CLPTM1: variants seen among roughly 807,000 people sequenced by gnomAD.
CLPTM1 encodes CLPTM1 regulator of GABA type A receptor forward trafficking.
Under a neutral mutation model 77.3 loss-of-function variants are expected in CLPTM1, and 21 were observed. That is an observed-to-expected ratio of 0.27 (90% CI 0.19 to 0.39). The LOEUF (loss-of-function observed/expected upper bound fraction) is 0.39, where lower values mean the gene tolerates loss of function less well. Ranked by LOEUF, CLPTM1 falls within the 10% of genes least tolerant of loss-of-function variation. The pLI, the probability that CLPTM1 is intolerant of heterozygous loss-of-function variation, is 1.00. For synonymous variants in CLPTM1, 373 were observed against 381.0 expected (o/e 0.98, Z 0.24); for missense variants, 642 against 921.2 (o/e 0.70, Z 3.92).
chr19:44,978,274 A>G (rs1469753430), intron 5 of CLPTM1, among the ~76,000 whole-genome samples: 1 of 150,298 alleles, frequency 6.7e-6, no homozygotes, highest in Non-Finnish European at 1.5e-5. Context: ...GTGTAGTAGC[A>G]TGCTCCTGTA....
At chr19:44,981,184 GC>G (rs1970890699) in intron 5 of CLPTM1, among the ~76,000 whole-genome samples, 1 of 151,116 alleles carries the variant, frequency 6.6e-6, no homozygotes, top group African/African-American at 2.4e-5. Flanking sequence ...CACTCTTGTT[GC>G]CCAGGCTGGA....
At chr19:44,963,513 G>A (rs1483857170) in intron 2 of CLPTM1, among the ~76,000 whole-genome samples, 1 of 151,608 alleles carries the variant, frequency 6.6e-6, no homozygotes, top group African/African-American at 2.4e-5. Context: ...TTTCAGTAGA[G>A]ATGGGGTTTC....
chr19:44,990,893 C>A lies in CLPTM1; in HGVS notation c.1367C>A (p.Ser456Tyr), dbSNP rs1464019349. ...HRVAGIFPRL[S>Y]FKDKSTYIES... ...GTGGCAGGAATCTTCCCCCGCCTATCCTTCAAGGACAAGTCCACGTATATC... is the reference window on the plus strand; with the variant it reads ...GTGGCAGGAATCTTCCCCCGCCTATACTTCAAGGACAAGTCCACGTATATC... Residue 456 changes from serine to tyrosine, a missense_variant, in exon 11 of 14, where the codon TCC (serine) becomes TAC (tyrosine). By Grantham distance (144) the Ser-to-Tyr change is moderately radical. Around this residue, in one of 2 missense-constraint regions of CLPTM1, gnomAD observed 521 missense variants for 800.4 expected, o/e 0.65. Transcript: ENST00000337392. This position sits in a 1 kb window ranked among gnomAD's most constrained non-coding sequence, Gnocchi z 4.8. 1 of 1,613,998 alleles carries A rather than the reference C, an allele frequency of 6.2e-7. No homozygotes were observed. Among genetic ancestry groups the A allele is most frequent in the Non-Finnish European group, 8.5e-7 (1 of 1,179,944 alleles).
rs149909400 is a variant in CLPTM1 at position 44,973,251 on chromosome 19, G to T, written c.309+41G>T. 457 of 1,613,080 alleles carry T rather than the reference G, an allele frequency of 2.8e-4. No homozygotes were observed. In the African/African-American group the frequency reaches 5.5e-3, roughly 19 times the overall value. On this transcript the variant is annotated intron_variant, in intron 3 of 13. Transcript: ENST00000337392. ...TAGGGCAGACTTGGGAGGTGATGGG[G>T]TGTGGAGGGGTGGAATGTGGAGGAG...
chr19:44,974,464 A>G lies in CLPTM1; in HGVS notation c.335A>G (p.His112Arg). ...AACCTGCATGTGTACATCTCAGAGCACGAGCACTTTACAGACTTCAACGCC... is the reference window on the plus strand; with the variant it reads ...AACCTGCATGTGTACATCTCAGAGCGCGAGCACTTTACAGACTTCAACGCC... ...LMNLHVYISE[H>R]EHFTDFNATS... Residue 112 changes from histidine to arginine, a missense_variant, in exon 4 of 14, where the codon CAC (histidine) becomes CGC (arginine). By Grantham distance (29) the His-to-Arg change is conservative. This residue lies in a region of CLPTM1 where 521 missense variants were observed against 800.4 expected (regional missense o/e 0.65). Coordinates refer to ENST00000337392, the MANE Select transcript of CLPTM1 (RefSeq NM_001294.4). The G allele has an allele frequency of 1.2e-6, 2 of 1,614,034 alleles. No individual in the cohort carries two copies. The highest frequency in any genetic ancestry group is 1.7e-6 in the Non-Finnish European group (2 of 1,179,922).
rs188321720 is a variant in CLPTM1 at position 44,987,890 on chromosome 19, C to A, written c.1039-190C>A. 8.1e-6 allele frequency: 5 copies of A among 616,172 alleles called. No individual in the cohort carries two copies. In the Admixed American group the frequency reaches 1.1e-4, roughly 14 times the overall value. 38.2% of individuals were successfully genotyped at this position (616,172 alleles called of 1,614,324 possible). On this transcript the variant is annotated intron_variant, in intron 8 of 13. Coordinates refer to ENST00000337392, the MANE Select transcript of CLPTM1 (RefSeq NM_001294.4). ...TCTGCCTCTTCCCCTAGTGCCATCTCCCCGTCTCTTCTGTCTTTGTGAGTC... is the reference window on the plus strand; with the variant it reads ...TCTGCCTCTTCCCCTAGTGCCATCTACCCGTCTCTTCTGTCTTTGTGAGTC...
intron 4 of CLPTM1, among the ~76,000 whole-genome samples, chr19:44,975,191 A>G (rs987894024): frequency 6.6e-6 from 1 of 152,108 alleles, no homozygotes; most frequent in Non-Finnish European, 1.5e-5. Context: ...CTCACAGAGC[A>G]CTCAGGCTTG....
intron 2 of CLPTM1, among the ~76,000 whole-genome samples, chr19:44,970,829 CTT>C (rs199584346): frequency 1.6e-5 from 2 of 124,104 alleles, no homozygotes; most frequent in Non-Finnish European, 1.7e-5. Flanking sequence ...TCCTTTACTT[CTT>C]TTTTTTTTTT....
rs1970993490 is a variant in CLPTM1, at chr19:44,987,244, C to T, written c.859C>T (p.Leu287=). ...CATCTACTTCAATGACTACTGGAAC[C>T]TGCAGAAGGACTACTACCCCATCAA... ...PIIYFNDYWN[L]QKDYYPINES... The change falls in exon 8 of 14, where the codon CTG becomes TTG. Residue 287 remains leucine (L), a synonymous_variant. Coordinates refer to ENST00000337392, the MANE Select transcript of CLPTM1 (RefSeq NM_001294.4). 3 of 1,614,280 alleles carry T rather than the reference C, an allele frequency of 1.9e-6. No individual in the cohort carries two copies. Among genetic ancestry groups the T allele is most frequent in the Admixed American group, 1.7e-5 (1 of 60,034 alleles).
At chr19:44,955,750 C>T (rs2122225406) in intron 1 of CLPTM1, 2 of 348,664 alleles carry the variant, frequency 5.7e-6, no homozygotes, top group Admixed American at 4.8e-5. Flanking sequence ...AGGCTTGTAC[C>T]TTGGCGCGCT....
chr19:44,969,836 C>T (rs1022394890), intron 2 of CLPTM1, among the ~76,000 whole-genome samples: 2 of 151,618 alleles, frequency 1.3e-5, no homozygotes, highest in Admixed American at 6.6e-5. Flanking sequence ...TACAGGCGCC[C>T]GCCACCACGC....
intron 2 of CLPTM1, among the ~76,000 whole-genome samples, chr19:44,962,548 G>A (rs961516676): frequency 1.3e-5 from 2 of 152,118 alleles, no homozygotes; most frequent in Admixed American, 6.6e-5. Context: ...CTCTGTGTGT[G>A]TCTGTGTCCT....
chr19:44,991,793 T>C lies in CLPTM1; in HGVS notation c.1555+420T>C, dbSNP rs957862124. Among the ~76,000 whole-genome samples, 1 of 151,984 alleles carries C rather than the reference T, an allele frequency of 6.6e-6. No individual in the cohort carries two copies. Among genetic ancestry groups the C allele is most frequent in the Non-Finnish European group, 1.5e-5 (1 of 67,992 alleles). On this transcript the variant is annotated intron_variant, in intron 12 of 13. Transcript: ENST00000337392. The surrounding 1 kb of genome is among the most constrained non-coding windows in gnomAD (Gnocchi z 5.4). ...GGTGGTGCGTGCCTGTAGTCCCAGCTACCTGGGAGGCTGAGGTGGGAGGAT... is the reference window on the plus strand; with the variant it reads ...GGTGGTGCGTGCCTGTAGTCCCAGCCACCTGGGAGGCTGAGGTGGGAGGAT...
Position 44,991,608 on chromosome 19 carries a change from A to G in CLPTM1, c.1555+235A>G, listed in dbSNP as rs1378853946. ...CAGGGGGCCTTTGTGTCTTGGGAAC[A>G]AGTAAACAAGTAGGGCCAGGTGCAG... On this transcript the variant is annotated intron_variant, in intron 12 of 13. Coordinates refer to ENST00000337392, the MANE Select transcript of CLPTM1 (RefSeq NM_001294.4). This position sits in a 1 kb window ranked among gnomAD's most constrained non-coding sequence, Gnocchi z 5.4. 6.6e-6 allele frequency among the ~76,000 whole-genome samples: 1 copy of G among 152,172 alleles called. No homozygotes were observed. Among genetic ancestry groups the G allele is most frequent in the Non-Finnish European group, 1.5e-5 (1 of 68,010 alleles).
intron 5 of CLPTM1, among the ~76,000 whole-genome samples, chr19:44,980,228 GC>G: frequency 6.6e-6 from 1 of 152,100 alleles, no homozygotes; most frequent in Non-Finnish European, 1.5e-5. Context: ...CCCCCTTTTG[GC>G]TGGTTGTGGT....
At chr19:44,971,311 A>G (rs1368709626) in intron 2 of CLPTM1, among the ~76,000 whole-genome samples, 1 of 151,682 alleles carries the variant, frequency 6.6e-6, no homozygotes, top group African/African-American at 2.4e-5. Context: ...TTCTCATTCT[A>G]TCAATATGTA....
intron 1 of CLPTM1, among the ~76,000 whole-genome samples, chr19:44,956,177 A>T (rs1033192729): frequency 6.6e-6 from 1 of 152,178 alleles, no homozygotes; most frequent in African/African-American, 2.4e-5. Flanking sequence ...ATGGAGAGAC[A>T]TGAAGGTGCT....
In CLPTM1 at chr19:44,977,079, A is replaced by C. The variant is rs138433059; in HGVS notation, c.469-264A>C. Among the ~76,000 whole-genome samples, 751 of 152,034 alleles carry C rather than the reference A, an allele frequency of 4.9e-3. 8 individuals carry two copies. Among genetic ancestry groups the C allele is most frequent in the African/African-American group, 0.017 (719 of 41,472 alleles). On this transcript the variant is annotated intron_variant, in intron 4 of 13. Coordinates refer to ENST00000337392, the MANE Select transcript of CLPTM1 (RefSeq NM_001294.4). ...GGTGCCCTCGGGTCAGTGCTGTGGG[A>C]ACTTCGCATCCTCTAGGTGGGGCCC...
chr19:44,987,062 C>G, intron 7 of CLPTM1, 117 bp from the exon 8 acceptor site: 1 of 1,340,616 alleles, frequency 7.5e-7, no homozygotes, highest in Non-Finnish European at 1.0e-6. Flanking sequence ...CTAGAAATGT[C>G]CCCTGTCCTC....
Sources: gnomAD v4.1 joint callset for allele counts (sites outside exome capture counted in the v4.1 genomes callset) on GRCh38, gnomAD v4.1.1 for gene constraint, gnomAD v4.1.1 regional missense constraint, Gnocchi (gnomAD v3.1) non-coding constraint, MANE v1.5 for transcripts, NCBI Gene and HGNC (gene_info 2026-07-23, HGNC 2026-07-21) for gene names.